Variants in MARCHF6 observed in about 807,000 individuals in gnomAD.
MARCHF6 encodes membrane associated ring-CH-type finger 6.
MARCHF6 carries 31 observed loss-of-function variants against 133.7 expected under a neutral mutation model. The ratio of observed to expected loss-of-function variants is 0.23; its 90% CI spans 0.17 to 0.31. The LOEUF is 0.31. Among genes scored for constraint, MARCHF6 ranks in the 10% least tolerant of loss-of-function variants. The pLI is 1.00. For synonymous variants in MARCHF6, 395 were observed against 402.5 expected (o/e 0.98, Z 0.22); for missense variants, 723 against 1,121.6 (o/e 0.64, Z 5.08).
intron 23 of MARCHF6, 99 bp from the exon 24 acceptor site, chr5:10,426,291 A>G (rs987291520): frequency 1.4e-5 from 19 of 1,361,468 alleles, no homozygotes; most frequent in Admixed American, 2.0e-5. Context: ...CAGTTTGACT[A>G]TTTTTGGGTT....
intron 5 of MARCHF6, 92 bp downstream of exon 5, chr5:10,387,158 CTTTTG>C (rs559369578): frequency 7.9e-5 from 76 of 962,548 alleles, no homozygotes; most frequent in South Asian, 2.6e-4. Flanking sequence ...TTTGTAAATT[CTTTTG>C]TTTTGAGAAC....
intron 7 of MARCHF6, 64 bp downstream of exon 7, chr5:10,391,795 GA>G: frequency 1.5e-6 from 2 of 1,375,200 alleles, no homozygotes; most frequent in Non-Finnish European, 1.9e-6. Context: ...TTGCATTGAG[GA>G]AAAGGGCTGG....
chr5:10,423,894 C>CT (rs1383281455), intron 23 of MARCHF6, 70 bp downstream of exon 23: 9 of 1,075,536 alleles, frequency 8.4e-6, no homozygotes, highest in Middle Eastern at 2.2e-4. Context: ...AGCTATAACT[C>CT]TTATTTCTTA....
At chr5:10,413,348 C>G (rs1579603465) in intron 19 of MARCHF6, 1 of 152,210 alleles carries the variant, frequency 6.6e-6, no homozygotes, top group Non-Finnish European at 1.5e-5. Flanking sequence ...ACTTTTCACA[C>G]AGTTACAGCT....
At chr5:10,418,272 C>T (rs1170698028) in intron 22 of MARCHF6, among the ~76,000 whole-genome samples, 3 of 151,374 alleles carry the variant, frequency 2.0e-5, no homozygotes, top group Admixed American at 6.6e-5. Flanking sequence ...CCCAGCTACT[C>T]GAGAGGCTGA....
chr5:10,422,512 C>T (rs1739877267), intron 22 of MARCHF6, among the ~76,000 whole-genome samples: 1 of 152,050 alleles, frequency 6.6e-6, no homozygotes, highest in Non-Finnish European at 1.5e-5. Context: ...TTTTCTGTAG[C>T]ACTGAAAACC....
intron 1 of MARCHF6, among the ~76,000 whole-genome samples, chr5:10,364,551 T>G (rs547144982): frequency 6.6e-6 from 1 of 152,262 alleles, no homozygotes; most frequent in South Asian, 2.1e-4. Flanking sequence ...AGCATCCCTA[T>G]CACTGAACAG....
At chr5:10,363,390 G>T (rs1735943480) in intron 1 of MARCHF6, among the ~76,000 whole-genome samples, 1 of 152,128 alleles carries the variant, frequency 6.6e-6, no homozygotes, top group African/African-American at 2.4e-5. Context: ...ACATGTACAT[G>T]GCTATTAAGC....
chr5:10,386,027 ATT>A (rs781162216), intron 4 of MARCHF6, among the ~76,000 whole-genome samples: 2 of 143,076 alleles, frequency 1.4e-5, no homozygotes, highest in Non-Finnish European at 3.1e-5. Flanking sequence ...GTGCTGTCTT[ATT>A]TTTTTTTTTT....
Position 10,400,789 on chromosome 5 carries a change from T to G in MARCHF6, c.919T>G (p.Cys307Gly). 1 of 1,612,348 alleles carries G rather than the reference T, an allele frequency of 6.2e-7. No individual in the cohort carries two copies. The highest frequency in any genetic ancestry group is 8.5e-7 in the Non-Finnish European group (1 of 1,178,462). The change falls in exon 11 of 26, where the codon TGC becomes GGC. Residue 307 changes from cysteine to glycine, a missense_variant. By Grantham distance (159) the Cys-to-Gly change is radical. Around this residue, in one of 4 missense-constraint regions of MARCHF6, gnomAD observed 43 missense variants for 97.9 expected, o/e 0.44. Transcript: ENST00000274140. ...AATTTTTTCCCCCTTTTTAGCATTT[T>G]GCCCTTACCATATTGGTCATTTCTC... is the stretch of plus-strand genomic sequence containing the variant. ...NTLFILVFAFCPYHIGHFSLV... is the reference protein window; with the variant it reads ...NTLFILVFAFGPYHIGHFSLV...
Position 10,397,313 on chromosome 5 carries a change from A to T in MARCHF6, c.882A>T (p.Val294=). The T allele has an allele frequency of 6.3e-7, 1 of 1,581,696 alleles. No individual in the cohort carries two copies. The highest frequency in any genetic ancestry group is 8.5e-7 in the Non-Finnish European group (1 of 1,169,926). ...TTTAGGAACATGTCTTCTGGGTGGT[A>T]TCTTTAAATACACTGTTCATTCTTG... ...LVFLEHVFWV[V]SLNTLFILVF... is the part of the protein sequence containing the mutation. The change falls in exon 10 of 26, where the codon GTA becomes GTT. Residue 294 remains valine, a synonymous_variant. Transcript: ENST00000274140.
intron 2 of MARCHF6, 70 bp from the exon 3 acceptor site, chr5:10,378,687 CAA>C (rs967555967): frequency 7.3e-5 from 69 of 943,812 alleles, no homozygotes; most frequent in Middle Eastern, 2.9e-4. Context: ...TTAATAAAAA[CAA>C]TGTTTTCGAC....
chr5:10,354,471 A>G (rs867796466), intron 1 of MARCHF6, among the ~76,000 whole-genome samples: 39 of 152,260 alleles, frequency 2.6e-4, no homozygotes, highest in Middle Eastern at 3.4e-3. Flanking sequence ...TCTGTTTACT[A>G]AACGGGGAGG....
chr5:10,366,202 C>T (rs1431803490), intron 1 of MARCHF6, among the ~76,000 whole-genome samples: 1 of 152,166 alleles, frequency 6.6e-6, no homozygotes, highest in African/African-American at 2.4e-5. Context: ...GGATTACAGG[C>T]ATGAGCCACT....
rs1740765057 is a variant in MARCHF6 at position 10,439,244 on chromosome 5, G to A, written c.*5560G>A. ...TTGAAAAAATGATGCTGGAATAATTGGGCATCAGATGCAAAATTAAAAACA... is the reference window on the plus strand; with the variant it reads ...TTGAAAAAATGATGCTGGAATAATTAGGCATCAGATGCAAAATTAAAAACA... On this transcript the variant is annotated 3_prime_UTR_variant, in exon 26 of 26. Transcript: ENST00000274140. 1 of 152,046 alleles carries A rather than the reference G, an allele frequency of 6.6e-6. No individual in the cohort carries two copies. The highest frequency in any genetic ancestry group is 6.5e-5 in the Admixed American group (1 of 15,268). 9.4% of individuals were successfully genotyped at this position (152,046 alleles called of 1,614,324 possible).
chr5:10,371,430 A>G (rs913722328), intron 1 of MARCHF6, among the ~76,000 whole-genome samples: 1 of 152,240 alleles, frequency 6.6e-6, no homozygotes, highest in Admixed American at 6.5e-5. Flanking sequence ...TTACAGTTCC[A>G]TGTGGCTGGG....
At chr5:10,381,121 G>A (rs140418746) in intron 3 of MARCHF6, among the ~76,000 whole-genome samples, 72 of 152,242 alleles carry the variant, frequency 4.7e-4, no homozygotes, top group Middle Eastern at 3.4e-3. Context: ...AGCTACCTGT[G>A]GTAGAGGTTT....
At position 10,439,814 on chromosome 5, in the gene MARCHF6, C is replaced by G. The variant is rs1740788635; in HGVS notation, c.*6130C>G. On this transcript the variant is annotated 3_prime_UTR_variant, in exon 26 of 26. Coordinates refer to ENST00000274140, the MANE Select transcript of MARCHF6 (RefSeq NM_005885.4). ...CAAAACATGAAGCACCCCTTTTCTC[C>G]CTTCTCTGACCCCATCACCTCTGTG... 1 of 152,518 alleles carries G rather than the reference C, an allele frequency of 6.6e-6. No homozygotes were observed. The highest frequency in any genetic ancestry group is 2.4e-5 in the African/African-American group (1 of 41,470). 9.4% of individuals were successfully genotyped at this position (152,518 alleles called of 1,614,324 possible).
At chr5:10,415,443 C>A in intron 20 of MARCHF6, 45 bp from the exon 21 acceptor site, 1 of 1,535,644 alleles carries the variant, frequency 6.5e-7, no homozygotes, top group Non-Finnish European at 9.0e-7. Flanking sequence ...TGACAATTCT[C>A]TTTACCTAGC....
Sources: gnomAD v4.1 joint callset for allele counts (sites outside exome capture counted in the v4.1 genomes callset) on GRCh38, gnomAD v4.1.1 for gene constraint, gnomAD v4.1.1 regional missense constraint, MANE v1.5 for transcripts, NCBI Gene and HGNC (gene_info 2026-07-23, HGNC 2026-07-21) for gene names.